The following KCNAB2 variants were observed in gnomAD, a reference collection of about 807,000 sequenced individuals.
KCNAB2 encodes the protein voltage-gated potassium channel subunit beta-2.
KCNAB2 carries 29 observed loss-of-function variants against 63.6 expected under a neutral mutation model. The ratio of observed to expected loss-of-function variants is 0.46; its 90% CI spans 0.34 to 0.62. KCNAB2 has a LOEUF of 0.62. KCNAB2 is among the 20% of genes least tolerant of loss of function. The pLI, the probability that KCNAB2 is intolerant of heterozygous loss-of-function variation, is 0.01. For synonymous variants in KCNAB2, 222 were observed against 224.2 expected, an observed-to-expected ratio of 0.99 and a Z score of 0.09; for missense variants, 359 against 563.9, an observed-to-expected ratio of 0.64 and a Z score of 3.68.
intron 5 of KCNAB2, among the ~76,000 whole-genome samples, chr1:6,083,074 C>T (rs1377038102): frequency 6.6e-6 from 1 of 152,164 alleles, no homozygotes; most frequent in Non-Finnish European, 1.5e-5. Context: ...AGCGCACAGC[C>T]CTGGGGGCTG....
chr1:6,091,119 G>T, intron 9 of KCNAB2, 144 bp from the exon 10 acceptor site: 1 of 690,498 alleles, frequency 1.4e-6, no homozygotes, highest in Non-Finnish European at 2.6e-6. Context: ...GCACGTGCGT[G>T]TGTTGATATA....
intron 1 of KCNAB2, among the ~76,000 whole-genome samples, chr1:6,040,004 C>A (rs1189790744): frequency 2.0e-5 from 3 of 152,222 alleles, no homozygotes; most frequent in Admixed American, 6.5e-5. Flanking sequence ...GAGCTGCGGA[C>A]ATCAGTGGCA....
chr1:6,025,316 A>G (rs1427637873), intron 1 of KCNAB2, among the ~76,000 whole-genome samples: 2 of 152,050 alleles, frequency 1.3e-5, no homozygotes, highest in African/African-American at 4.8e-5. Context: ...CAGGGACTCA[A>G]CACGGTGCAG....
chr1:6,054,007 C>T (rs1661597818), intron 2 of KCNAB2, among the ~76,000 whole-genome samples: 1 of 149,946 alleles, frequency 6.7e-6, no homozygotes, highest in South Asian at 2.1e-4. Context: ...TGTGCCACTG[C>T]ACTCCAGCCT....
chr1:6,041,987 C>T, upstream of KCNAB2: 1 of 894,864 alleles, frequency 1.1e-6, no homozygotes, highest in East Asian at 2.4e-5. Flanking sequence ...GCCAAAGCCC[C>T]CGAGACCCCC....
At chr1:6,093,116 T>A (rs1409496920) in intron 10 of KCNAB2, among the ~76,000 whole-genome samples, 2 of 152,182 alleles carry the variant, frequency 1.3e-5, no homozygotes, top group African/African-American at 4.8e-5. Flanking sequence ...TCTTCCATCC[T>A]TCCTTCCTTC....
At chr1:6,000,187 CT>C (rs57740518) in intron 1 of KCNAB2, among the ~76,000 whole-genome samples, 8,467 of 152,170 alleles carry the variant, frequency 0.056, 777 homozygotes, top group African/African-American at 0.19. Flanking sequence ...CCCGCACCCC[CT>C]AGAGGGTATT....
At chr1:6,036,418 G>A (rs771829194) in intron 1 of KCNAB2, among the ~76,000 whole-genome samples, 3 of 152,138 alleles carry the variant, frequency 2.0e-5, no homozygotes, top group Non-Finnish European at 4.4e-5. Flanking sequence ...CATGAGAATC[G>A]CTTGAACCCA....
chr1:6,014,524 G>T (rs1658373035), intron 1 of KCNAB2, among the ~76,000 whole-genome samples: 1 of 152,250 alleles, frequency 6.6e-6, no homozygotes, highest in South Asian at 2.1e-4. Flanking sequence ...TGAGGCAAAA[G>T]AGTCACCAAA....
At chr1:6,056,720 C>T (rs1029266138) in intron 2 of KCNAB2, among the ~76,000 whole-genome samples, 12 of 152,220 alleles carry the variant, frequency 7.9e-5, no homozygotes, top group African/African-American at 2.4e-4. Flanking sequence ...GGACGCCGCC[C>T]CTTCCTTCTG....
chr1:6,070,527 T>C (rs1302066285), intron 2 of KCNAB2, among the ~76,000 whole-genome samples: 6 of 152,148 alleles, frequency 3.9e-5, no homozygotes, highest in Admixed American at 1.3e-4. Flanking sequence ...ATTTCACTGA[T>C]GTATAAGGAG....
At chr1:6,061,751 A>C (rs1662340517) in intron 2 of KCNAB2, among the ~76,000 whole-genome samples, 1 of 152,266 alleles carries the variant, frequency 6.6e-6, no homozygotes, top group Non-Finnish European at 1.5e-5. Context: ...CAAAAATTAT[A>C]TTGAATTCTT....
upstream of KCNAB2, among the ~76,000 whole-genome samples, chr1:6,031,782 G>C (rs1006187570): frequency 2.0e-5 from 3 of 152,004 alleles, no homozygotes; most frequent in Non-Finnish European, 2.9e-5. The surrounding 1 kb of genome is among the most constrained non-coding windows in gnomAD (Gnocchi z 4.1). Flanking sequence ...CCAGCTAATT[G>C]GGAGGCTGAG....
Position 6,078,297 on chromosome 1 carries a change from C to G in KCNAB2, c.301-3898C>G, listed in dbSNP as rs1389111468. Among the ~76,000 whole-genome samples the G allele has an allele frequency of 6.6e-6, 1 of 152,248 alleles. No homozygotes were observed. The highest frequency in any genetic ancestry group is 1.5e-5 in the Non-Finnish European group (1 of 68,050). On this transcript the variant is annotated intron_variant, in intron 4 of 15. Coordinates refer to ENST00000378083, the MANE Select transcript of KCNAB2 (RefSeq NM_001199862.2). The surrounding 1 kb of genome is among the most constrained non-coding windows in gnomAD (Gnocchi z 4.2). Reference sequence around the variant, plus strand: ...GCCCACTTAGCTAAGCCAGGACATTCTCCCCACTGCAGAGTACTCACGTTA... The same window carrying G: ...GCCCACTTAGCTAAGCCAGGACATTGTCCCCACTGCAGAGTACTCACGTTA...
chr1:6,049,833 G>A (rs548017442), intron 1 of KCNAB2, among the ~76,000 whole-genome samples: 5 of 152,376 alleles, frequency 3.3e-5, no homozygotes, highest in African/African-American at 7.2e-5. Flanking sequence ...GAAGGTCCCT[G>A]CAAATAAGAT....
chr1:6,047,617 GC>G (rs1661038695), intron 1 of KCNAB2, among the ~76,000 whole-genome samples: 2 of 152,196 alleles, frequency 1.3e-5, no homozygotes, highest in Admixed American at 6.5e-5. Flanking sequence ...GCCAGGAAAT[GC>G]CCAGGTATAG....
rs546959157 is a variant in KCNAB2 at position 6,086,740 on chromosome 1, G to A, written c.426-727G>A. On this transcript the variant is annotated intron_variant, in intron 6 of 15. Transcript: ENST00000378083. This position sits in a 1 kb window ranked among gnomAD's most constrained non-coding sequence, Gnocchi z 4.2. ...AGAAGAACGAATTACTTCCCTTTGC[G>A]CTGCTCAAGCCCAAATCCTCAGAAT... is the stretch of plus-strand genomic sequence containing the variant. Among the ~76,000 whole-genome samples the A allele has an allele frequency of 2.0e-3, 310 of 152,220 alleles. 1 individual carries two copies. Among genetic ancestry groups the A allele is most frequent in the African/African-American group, 6.3e-3 (262 of 41,534 alleles).
intron 1 of KCNAB2, among the ~76,000 whole-genome samples, chr1:6,017,846 C>T (rs1211037520): frequency 6.6e-6 from 1 of 151,798 alleles, no homozygotes; most frequent in Non-Finnish European, 1.5e-5. Context: ...TAAGCCACCA[C>T]ACCCAGCCAG....
chr1:6,070,020 C>T (rs1663066191), intron 2 of KCNAB2, among the ~76,000 whole-genome samples: 1 of 152,170 alleles, frequency 6.6e-6, no homozygotes, highest in Admixed American at 6.5e-5. Flanking sequence ...AGGGGTGCCT[C>T]TTCTCTTCAG....
Sources: gnomAD v4.1 joint callset for allele counts (sites outside exome capture counted in the v4.1 genomes callset) on GRCh38, gnomAD v4.1.1 for gene constraint, Gnocchi (gnomAD v3.1) non-coding constraint, MANE v1.5 for transcripts, NCBI Gene and HGNC (gene_info 2026-07-23, HGNC 2026-07-21) for gene names.